KCND3: variants seen among roughly 807,000 people sequenced by gnomAD.
KCND3 encodes A-type voltage-gated potassium channel KCND3.
KCND3 carries 9 observed loss-of-function variants against 51.1 expected under a neutral mutation model. The observed-to-expected ratio is 0.18, with a 90% CI of 0.11 to 0.31. The LOEUF (loss-of-function observed/expected upper bound fraction) is 0.31, where lower values mean the gene tolerates loss of function less well. Ranked by LOEUF, KCND3 falls within the 10% of genes least tolerant of loss-of-function variation. The pLI is 1.00. For synonymous variants in KCND3, 349 were observed against 368.0 expected (o/e 0.95, Z 0.59); for missense variants, 526 against 903.8 (o/e 0.58, Z 5.36).
At chr1:111,961,529 G>T (rs537962719) in intron 2 of KCND3, among the ~76,000 whole-genome samples, 2 of 152,104 alleles carry the variant, frequency 1.3e-5, no homozygotes, top group African/African-American at 4.8e-5. Context: ...ATCCTACTTG[G>T]CAGCTGCCAG....
In KCND3 at chr1:111,772,071, C is replaced by T. The variant is rs186541538; in HGVS notation, c.*4006G>A. 6.6e-6 allele frequency: 1 copy of T among 152,198 alleles called. No homozygotes were observed. Among genetic ancestry groups the T allele is most frequent in the African/African-American group, 2.4e-5 (1 of 41,508 alleles). 9.4% of individuals were successfully genotyped at this position (152,198 alleles called of 1,614,324 possible). ...ACAAGATGTCTTAAGTCCTGGATTGCAATAATGGTTCTGCCACTAACTTGT... is the reference window on the plus strand; with the variant it reads ...ACAAGATGTCTTAAGTCCTGGATTGTAATAATGGTTCTGCCACTAACTTGT... On this transcript the variant is annotated 3_prime_UTR_variant, in exon 8 of 8. Coordinates refer to ENST00000302127, the MANE Select transcript of KCND3 (RefSeq NM_001378969.1).
At chr1:111,881,172 A>G (rs1669289906) in intron 2 of KCND3, among the ~76,000 whole-genome samples, 1 of 152,070 alleles carries the variant, frequency 6.6e-6, no homozygotes, top group Admixed American at 6.5e-5. Flanking sequence ...CAGGCCATCA[A>G]ACACACTCCT....
intron 2 of KCND3, among the ~76,000 whole-genome samples, chr1:111,880,607 T>C (rs1358173243): frequency 6.6e-6 from 1 of 152,132 alleles, no homozygotes; most frequent in Non-Finnish European, 1.5e-5. Context: ...ATAAATACGG[T>C]TTAGGAGCAC....
At chr1:111,934,431 C>A (rs1423925769) in intron 2 of KCND3, among the ~76,000 whole-genome samples, 2 of 152,212 alleles carry the variant, frequency 1.3e-5, no homozygotes, top group African/African-American at 2.4e-5. Flanking sequence ...ATCAGAGAAA[C>A]CAGAGCTAGG....
chr1:111,812,919 G>C (rs1665921341), intron 2 of KCND3, among the ~76,000 whole-genome samples: 1 of 152,188 alleles, frequency 6.6e-6, no homozygotes, highest in Admixed American at 6.5e-5. Flanking sequence ...CCAGCATCCT[G>C]TGCCCCTCAC....
At chr1:111,778,642 T>C in intron 5 of KCND3, 150 bp from the exon 6 acceptor site, 1 of 789,778 alleles carries the variant, frequency 1.3e-6, no homozygotes, top group Admixed American at 2.0e-5. Flanking sequence ...TTCTGCCCCC[T>C]TCCTCCCAAC....
chr1:111,962,564 C>T (rs1673719963), intron 2 of KCND3, among the ~76,000 whole-genome samples: 1 of 152,212 alleles, frequency 6.6e-6, no homozygotes, highest in Admixed American at 6.5e-5. Flanking sequence ...ACTTAGAGCC[C>T]CTGCCTTTGC....
chr1:111,788,703 G>A (rs1038445717), intron 2 of KCND3, among the ~76,000 whole-genome samples: 4 of 152,192 alleles, frequency 2.6e-5, no homozygotes, highest in African/African-American at 9.7e-5. Flanking sequence ...GTACTCAGGA[G>A]AGGCCTCCAG....
chr1:111,804,526 G>T (rs1346386053), intron 2 of KCND3, among the ~76,000 whole-genome samples: 1 of 152,196 alleles, frequency 6.6e-6, no homozygotes, highest in Admixed American at 6.5e-5. Flanking sequence ...CACTTGCAGG[G>T]CTCCGCAAGG....
intron 2 of KCND3, among the ~76,000 whole-genome samples, chr1:111,973,681 T>C (rs1196845420): frequency 6.6e-6 from 1 of 152,276 alleles, no homozygotes; most frequent in Admixed American, 6.5e-5. Flanking sequence ...AGAAAATTGA[T>C]GCACATTTCT....
At chr1:111,818,236 G>T (rs1443907902) in intron 2 of KCND3, among the ~76,000 whole-genome samples, 1 of 152,164 alleles carries the variant, frequency 6.6e-6, no homozygotes. Context: ...AGGAGGGAAG[G>T]AGGACCAGGG....
intron 2 of KCND3, among the ~76,000 whole-genome samples, chr1:111,969,294 CAA>C (rs970716347): frequency 1.1e-4 from 17 of 152,164 alleles, no homozygotes; most frequent in Non-Finnish European, 1.2e-4. Context: ...CAACAGAGCC[CAA>C]GAGTCTTTGG....
chr1:111,974,403 G>C (rs2101971558), intron 2 of KCND3, among the ~76,000 whole-genome samples: 1 of 152,256 alleles, frequency 6.6e-6, no homozygotes, highest in South Asian at 2.1e-4. Context: ...CATCACTAGA[G>C]GATGAACACT....
chr1:111,777,253 C>T lies in KCND3; in HGVS notation c.1539G>A (p.Glu513=), dbSNP rs1013788086. Residue 513 remains glutamate, a synonymous_variant, in exon 7 of 8, where the codon GAG becomes GAA. Coordinates refer to ENST00000302127, the MANE Select transcript of KCND3 (RefSeq NM_001378969.1). Reference sequence around the variant, plus strand: ...CCATGCAGTTCTGCTCAAACATCTGCTCATCAATAAACTCGTGGTTCTGCG... The same window carrying T: ...CCATGCAGTTCTGCTCAAACATCTGTTCATCAATAAACTCGTGGTTCTGCG... The part of the protein sequence containing the change: ...STIKNHEFID[E]QMFEQNCMES... 2 of 1,614,026 alleles carry T rather than the reference C, an allele frequency of 1.2e-6. No individual in the cohort carries two copies. The highest frequency in any genetic ancestry group is 8.5e-7 in the Non-Finnish European group (1 of 1,180,040).
At chr1:111,988,584 C>T (rs1019678852) in intron 1 of KCND3, among the ~76,000 whole-genome samples, 2 of 152,176 alleles carry the variant, frequency 1.3e-5, no homozygotes, top group Non-Finnish European at 2.9e-5. Context: ...TTTCTACAGA[C>T]AGTAAACATA....
chr1:111,836,262 T>C (rs553257518), intron 2 of KCND3, among the ~76,000 whole-genome samples: 11 of 152,290 alleles, frequency 7.2e-5, no homozygotes, highest in African/African-American at 2.6e-4. Flanking sequence ...CACTGCCAGT[T>C]TGGGCCGCCT....
intron 2 of KCND3, among the ~76,000 whole-genome samples, chr1:111,838,885 G>A (rs540264491): frequency 1.3e-5 from 2 of 152,182 alleles, no homozygotes; most frequent in South Asian, 4.2e-4. Context: ...ATGTGATAGG[G>A]AATAACTTCA....
In KCND3 at chr1:111,780,574, G is replaced by A. The variant is rs72548729; in HGVS notation, c.1371+116C>T. The A allele has an allele frequency of 5.7e-3, 5,504 of 963,482 alleles. 169 individuals are homozygous for A. The African/African-American group carries it at 0.073, about 13-fold the overall frequency. The allele number at this position is 963,482 out of a possible 1,614,324, so 59.7% of individuals were successfully genotyped here. A position where few individuals can be genotyped will look rare whatever the true frequency, so the allele number is the denominator to read the frequency against. On this transcript the variant is annotated intron_variant, in intron 4 of 7. Transcript: ENST00000302127. The surrounding 1 kb of genome is among the most constrained non-coding windows in gnomAD (Gnocchi z 4.2). ...TGCTACCTGGGGAAAGTTTGGAAACGTGTCCTCCTTGGGGTTCATACTGGG... is the reference window on the plus strand; with the variant it reads ...TGCTACCTGGGGAAAGTTTGGAAACATGTCCTCCTTGGGGTTCATACTGGG...
chr1:111,891,627 G>A (rs1042203180), intron 2 of KCND3, among the ~76,000 whole-genome samples: 10 of 152,240 alleles, frequency 6.6e-5, no homozygotes, highest in South Asian at 4.1e-4. Context: ...CTGCTTTACC[G>A]TTCTCCATCA....
Sources: allele counts gnomAD v4.1 joint callset (sites outside exome capture counted in the v4.1 genomes callset), GRCh38; gene constraint gnomAD v4.1.1; non-coding constraint Gnocchi (gnomAD v3.1); transcripts MANE v1.5; gene names NCBI Gene and HGNC (gene_info 2026-07-23, HGNC 2026-07-21).